The following CCDC93 variants were observed in gnomAD, a reference collection of about 807,000 sequenced individuals.
The protein encoded by CCDC93 is CCC complex scaffolding subunit CCDC93.
Under a neutral mutation model 108.2 loss-of-function variants are expected in CCDC93, and 61 were observed. The observed-to-expected ratio is 0.56, with a 90% CI of 0.46 to 0.70. The LOEUF is 0.70. Ranked by LOEUF, CCDC93 falls within the 30% of genes least tolerant of loss-of-function variation. The pLI, the probability that CCDC93 is intolerant of heterozygous loss-of-function variation, is 0.00. For missense variants in CCDC93, 685 were observed against 764.2 expected (o/e 0.90, Z 1.22); for synonymous variants, 276 against 260.4 (o/e 1.06, Z -0.58).
At chr2:117,994,045 T>C (rs999337308) in intron 6 of CCDC93, among the ~76,000 whole-genome samples, 2 of 152,198 alleles carry the variant, frequency 1.3e-5, no homozygotes, top group Non-Finnish European at 2.9e-5. Context: ...AGGAATCTTT[T>C]AACAGCATAC....
At chr2:117,951,289 T>C in intron 13 of CCDC93, 1 of 985,342 alleles carries the variant, frequency 1.0e-6, no homozygotes, top group Non-Finnish European at 1.2e-6. Context: ...CACAGAGCAA[T>C]GTAAAGGAAG....
intron 1 of CCDC93, among the ~76,000 whole-genome samples, chr2:118,010,088 C>G (rs893197116): frequency 6.9e-6 from 1 of 145,698 alleles, no homozygotes; most frequent in Non-Finnish European, 1.5e-5. Context: ...ACTACAGGCA[C>G]ATGCCACCAC....
intron 2 of CCDC93, among the ~76,000 whole-genome samples, chr2:118,008,133 C>T (rs779930581): frequency 2.0e-5 from 3 of 152,162 alleles, no homozygotes; most frequent in Non-Finnish European, 4.4e-5. Context: ...CATTGCATAG[C>T]GATCTCTCTC....
At chr2:117,959,515 A>G (rs904568605) in intron 11 of CCDC93, among the ~76,000 whole-genome samples, 1 of 152,232 alleles carries the variant, frequency 6.6e-6, no homozygotes, top group Non-Finnish European at 1.5e-5. Context: ...ACCCACAGGA[A>G]AAAGAAATGG....
chr2:117,922,851 G>C lies in CCDC93; in HGVS notation c.1843-2455C>G, dbSNP rs375642815. On this transcript the variant is annotated intron_variant, in intron 23 of 23. Coordinates refer to ENST00000376300, the MANE Select transcript of CCDC93 (RefSeq NM_019044.5). ...GCAGAACTAGTCTGGCTGAAGATATGGGGTAGAGGCTGTGGAGTAGCAAGC... is the reference window on the plus strand; with the variant it reads ...GCAGAACTAGTCTGGCTGAAGATATCGGGTAGAGGCTGTGGAGTAGCAAGC... 3.1e-3 allele frequency among the ~76,000 whole-genome samples: 478 copies of C among 152,200 alleles called. 5 individuals carry two copies. The highest frequency in any genetic ancestry group is 0.011 in the African/African-American group (457 of 41,514).
intron 7 of CCDC93, among the ~76,000 whole-genome samples, chr2:117,982,235 C>A (rs901256425): frequency 6.6e-6 from 1 of 152,040 alleles, no homozygotes; most frequent in African/African-American, 2.4e-5. Context: ...CTCCAAACCT[C>A]CTCTTGCAAG....
At chr2:117,991,172 G>T in intron 6 of CCDC93, among the ~76,000 whole-genome samples, 1 of 152,178 alleles carries the variant, frequency 6.6e-6, no homozygotes, top group East Asian at 1.9e-4. Context: ...TGTTGGTTGA[G>T]ACACAAAGGC....
At chr2:117,954,235 G>T (rs1679149694) in intron 12 of CCDC93, among the ~76,000 whole-genome samples, 1 of 152,132 alleles carries the variant, frequency 6.6e-6, no homozygotes, top group South Asian at 2.1e-4. Flanking sequence ...AGAAAGAAAA[G>T]AACATGACAT....
At chr2:117,923,550 C>T (rs538245736) in intron 23 of CCDC93, among the ~76,000 whole-genome samples, 68 of 152,252 alleles carry the variant, frequency 4.5e-4, no homozygotes, top group South Asian at 8.3e-4. Context: ...AACTGCAAGG[C>T]GGCAGTGAGG....
In CCDC93 at chr2:117,921,330, A is replaced by G. The variant is rs553236703; in HGVS notation, c.1843-934T>C. ...CAGTGGCACAAGTCACCTCTGCATCATTTCATGTTCCCTCTGGGATCATCT... is the reference window on the plus strand; with the variant it reads ...CAGTGGCACAAGTCACCTCTGCATCGTTTCATGTTCCCTCTGGGATCATCT... On this transcript the variant is annotated intron_variant, in intron 23 of 23. Coordinates refer to ENST00000376300, the MANE Select transcript of CCDC93 (RefSeq NM_019044.5). Among the ~76,000 whole-genome samples the G allele has an allele frequency of 3.9e-5, 6 of 152,150 alleles. No individual in the cohort carries two copies. In the South Asian group the frequency reaches 1.2e-3, roughly 32 times the overall value.
rs1049713628 is a variant in CCDC93 at position 117,941,371 on chromosome 2, T to C, written c.1414-74A>G. 8 of 1,194,910 alleles carry C rather than the reference T, an allele frequency of 6.7e-6. No individual in the cohort carries two copies. The African/African-American group carries it at 1.0e-4, about 16-fold the overall frequency. The allele number at this position is 1,194,910 out of a possible 1,614,324, so 74.0% of individuals were successfully genotyped here. ...ACATGTTCTCTAGGGAGCCAAAATATTGCCTGCACCCCGACCTGAGCCCAA... is the reference window on the plus strand; with the variant it reads ...ACATGTTCTCTAGGGAGCCAAAATACTGCCTGCACCCCGACCTGAGCCCAA... On this transcript the variant is annotated intron_variant, in intron 18 of 23. Coordinates refer to ENST00000376300, the MANE Select transcript of CCDC93 (RefSeq NM_019044.5).
intron 5 of CCDC93, chr2:117,995,728 A>C (rs142037953): frequency 2.1e-6 from 1 of 484,144 alleles, no homozygotes; most frequent in Non-Finnish European, 3.7e-6. Context: ...AAAGGGGGTC[A>C]TAAGGAATAG....
At chr2:117,923,667 TG>T (rs1461456666) in intron 23 of CCDC93, among the ~76,000 whole-genome samples, 1 of 113,312 alleles carries the variant, frequency 8.8e-6, no homozygotes, top group African/African-American at 4.0e-5. Flanking sequence ...CCTGCCTGCC[TG>T]CCTGCCTGCC....
chr2:117,995,539 G>C, intron 5 of CCDC93, 37 bp from the exon 6 acceptor site: 2 of 1,549,086 alleles, frequency 1.3e-6, no homozygotes, highest in Non-Finnish European at 1.8e-6. Flanking sequence ...CAAATCCCAA[G>C]GGAAAATTAA....
chr2:117,945,950 AAAC>A (rs1022344443), intron 16 of CCDC93, among the ~76,000 whole-genome samples: 1 of 152,222 alleles, frequency 6.6e-6, no homozygotes, highest in Non-Finnish European at 1.5e-5. Flanking sequence ...AAAGTTTTAG[AAAC>A]AACAGGAGAG....
At chr2:117,953,091 C>A (rs1237065372) in intron 12 of CCDC93, among the ~76,000 whole-genome samples, 1 of 152,160 alleles carries the variant, frequency 6.6e-6, no homozygotes, top group East Asian at 1.9e-4. Flanking sequence ...CCTTTAAATG[C>A]TCAAAAGGAT....
chr2:117,938,555 GAAA>G lies in CCDC93; in HGVS notation c.1605+471_1605+473del, dbSNP rs36126432. On this transcript the variant is annotated intron_variant, in intron 20 of 23. Transcript: ENST00000376300. ...TAATAATAAAAGAAAAAAAAGACAA[GAAA>G]AAAAAAAAAAAAAGACGAAGGGAGT... Among the ~76,000 whole-genome samples the G allele has an allele frequency of 1.3e-3, 175 of 138,204 alleles. 3 individuals are homozygous for G. In the South Asian group the frequency reaches 0.03, roughly 24 times the overall value. 90.7% of individuals were successfully genotyped at this position (138,204 alleles called of 152,430 possible). A position where few individuals can be genotyped will look rare whatever the true frequency, so the allele number is the denominator to read the frequency against.
chr2:117,943,888 G>A (rs758006361), intron 18 of CCDC93, 136 bp downstream of exon 18: 4 of 559,876 alleles, frequency 7.1e-6, no homozygotes, highest in Non-Finnish European at 1.2e-5. Flanking sequence ...ACTCCAGATA[G>A]AAAGAAGACT....
chr2:117,955,837 C>A (rs1679200423), intron 12 of CCDC93, among the ~76,000 whole-genome samples: 1 of 152,138 alleles, frequency 6.6e-6, no homozygotes, highest in African/African-American at 2.4e-5. Flanking sequence ...CCATACAAGT[C>A]ACTCTCCCCA....
Sources: gnomAD v4.1 joint callset for allele counts (sites outside exome capture counted in the v4.1 genomes callset) on GRCh38, gnomAD v4.1.1 for gene constraint, MANE v1.5 for transcripts, NCBI Gene and HGNC (gene_info 2026-07-23, HGNC 2026-07-21) for gene names.